WNT9B: variants seen among roughly 807,000 people sequenced by gnomAD.
WNT9B encodes the protein Wnt family member 9B, also known as protein Wnt-9b.
WNT9B carries 12 observed loss-of-function variants against 30.2 expected under a neutral mutation model. The observed-to-expected ratio is 0.40, with a 90% CI of 0.26 to 0.64. WNT9B has a LOEUF of 0.64. Ranked by LOEUF, WNT9B falls within the 30% of genes least tolerant of loss-of-function variation. WNT9B has a pLI of 0.42. For missense variants in WNT9B, 442 were observed against 485.2 expected (o/e 0.91, Z 0.84); for synonymous variants, 218 against 216.9 (o/e 1.01, Z -0.05).
rs1277935383 is a variant in WNT9B, at chr17:46,840,011, CTTTCT to C, written c.95+6574_95+6578del. The stretch of plus-strand genomic sequence containing the variant: ...TTTCTTTTTTCTTTCTTCTTTCTTT[CTTTCT>C]TTCTTTCTTTCTTTCTTTTCTTTCT... On this transcript the variant is annotated intron_variant, in intron 1 of 2. Transcript: ENST00000575372. Among the ~76,000 whole-genome samples, 54 of 82,924 alleles carry C rather than the reference CTTTCT, an allele frequency of 6.5e-4. No individual in the cohort carries two copies. In the East Asian group the frequency reaches 0.012, roughly 18 times the overall value. The allele number at this position is 82,924 out of a possible 152,430, so 54.4% of individuals were successfully genotyped here.
chr17:46,883,195 G>T (rs1304940453), downstream of WNT9B, among the ~76,000 whole-genome samples: 1 of 151,772 alleles, frequency 6.6e-6, no homozygotes, highest in East Asian at 1.9e-4. Context: ...CGTTAGCCAG[G>T]ATGGTCTTGA....
chr17:46,845,205 C>G (rs545380220), intron 1 of WNT9B, among the ~76,000 whole-genome samples: 4 of 152,242 alleles, frequency 2.6e-5, no homozygotes, highest in Non-Finnish European at 5.9e-5. Flanking sequence ...GAATGCCTTT[C>G]TGTTGTAAAA....
intron 1 of WNT9B, among the ~76,000 whole-genome samples, chr17:46,837,199 C>G (rs1160780010): frequency 6.6e-6 from 1 of 152,126 alleles, no homozygotes. Context: ...CCGCGGCCCC[C>G]CAAAGTGCTG....
At chr17:46,836,697 C>T (rs961909916) in intron 1 of WNT9B, among the ~76,000 whole-genome samples, 11 of 152,276 alleles carry the variant, frequency 7.2e-5, no homozygotes, top group African/African-American at 2.2e-4. Context: ...AGTGACTGGC[C>T]TTCCTGGCAA....
At chr17:46,864,058 C>T (rs111564918) in intron 1 of WNT9B, among the ~76,000 whole-genome samples, 2,364 of 152,334 alleles carry the variant, frequency 0.016, 71 homozygotes, top group African/African-American at 0.054. Context: ...GGGGGTCACG[C>T]ACAAGGCATT....
At chr17:46,882,690 C>G (rs1209651379), downstream of WNT9B, among the ~76,000 whole-genome samples, 1 of 152,200 alleles carries the variant, frequency 6.6e-6, no homozygotes, top group Non-Finnish European at 1.5e-5. Flanking sequence ...TTCGCTCCAT[C>G]TCTCACCTGG....
chr17:46,853,474 C>T (rs1225845289), intron 1 of WNT9B, among the ~76,000 whole-genome samples: 3 of 146,698 alleles, frequency 2.0e-5, no homozygotes, highest in African/African-American at 7.6e-5. Flanking sequence ...TGGGTTCAAG[C>T]GATTCTCCTG....
downstream of WNT9B, among the ~76,000 whole-genome samples, chr17:46,882,725 C>A (rs912711438): frequency 4.6e-5 from 7 of 152,182 alleles, no homozygotes; most frequent in African/African-American, 1.7e-4. Context: ...ACCGATCATG[C>A]AGCAAACACG....
At chr17:46,839,734 T>C (rs560473196) in intron 1 of WNT9B, among the ~76,000 whole-genome samples, 4 of 152,102 alleles carry the variant, frequency 2.6e-5, no homozygotes, top group African/African-American at 9.6e-5. Context: ...CCTGTGTCCA[T>C]GTGTTCTGAT....
In WNT9B at chr17:46,872,751, C is replaced by G. The variant is rs1163128777; in HGVS notation, c.312C>G (p.Gly104=). Residue 104 remains glycine, a synonymous_variant, in exon 2 of 4, where the codon GGC becomes GGG. Coordinates refer to ENST00000290015, the MANE Select transcript of WNT9B (RefSeq NM_003396.3). Reference sequence around the variant, plus strand: ...AGCGCTGGAACTGTAGCCTGGAGGGCAGGATGGGCCTGCTCAAGAGAGGTG... The same window carrying G: ...AGCGCTGGAACTGTAGCCTGGAGGGGAGGATGGGCCTGCTCAAGAGAGGTG... ...RHERWNCSLE[G]RMGLLKRGFK... 6.2e-7 allele frequency: 1 copy of G among 1,605,292 alleles called. No homozygotes were observed. Among genetic ancestry groups the G allele is most frequent in the East Asian group, 2.2e-5 (1 of 44,462 alleles).
Position 46,851,646 on chromosome 17 carries a change from C to T in WNT9B, c.8C>T (p.Pro3Leu). 7.8e-7 allele frequency: 1 copy of T among 1,280,996 alleles called. No homozygotes were observed. The highest frequency in any genetic ancestry group is 9.8e-7 in the Non-Finnish European group (1 of 1,018,674). 79.4% of individuals were successfully genotyped at this position (1,280,996 alleles called of 1,614,324 possible). A position where few individuals can be genotyped will look rare whatever the true frequency, so the allele number is the denominator to read the frequency against. ...CGCAGCGCCGCCAGCACCATGCGCC[C>T]CCCGCCCGCGCTGGCCCTGGCCGGG... Reference protein sequence around the residue: MRPPPALALAGLC... With the variant: MRLPPALALAGLC... The change falls in exon 1 of 4, where the codon CCC (proline) becomes CTC (leucine). Residue 3 changes from proline (P) to leucine (L), a missense_variant. Transcript: ENST00000290015. This position sits in a 1 kb window ranked among gnomAD's most constrained non-coding sequence, Gnocchi z 4.3.
intron 1 of WNT9B, among the ~76,000 whole-genome samples, chr17:46,841,343 C>T (rs1598827799): frequency 6.6e-6 from 1 of 152,158 alleles, no homozygotes; most frequent in East Asian, 1.9e-4. Flanking sequence ...TCCTGGCGGT[C>T]CTGGATCAGA....
chr17:46,870,447 ACCCATTTG>A (rs976342691), intron 1 of WNT9B, among the ~76,000 whole-genome samples: 1 of 152,064 alleles, frequency 6.6e-6, no homozygotes, highest in Non-Finnish European at 1.5e-5. Context: ...CTGGAAAATT[ACCCATTTG>A]CCCCCAGATT....
At chr17:46,839,953 T>TTTCTTTCTTTCTTTCTTTCTC in intron 1 of WNT9B, among the ~76,000 whole-genome samples, 1 of 149,474 alleles carries the variant, frequency 6.7e-6, no homozygotes, top group African/African-American at 2.5e-5. Context: ...TCTTTCTTTC[T>TTTCTTTCTTTCTTTCTTTCTC]TTCTTTCTTT....
chr17:46,873,274 T>C (rs1481611748), intron 2 of WNT9B, among the ~76,000 whole-genome samples: 1 of 151,990 alleles, frequency 6.6e-6, no homozygotes, highest in Non-Finnish European at 1.5e-5. Context: ...CTCCTTCCCT[T>C]CCACTCCCAT....
At chr17:46,838,120 G>T (rs2146516872) in intron 1 of WNT9B, among the ~76,000 whole-genome samples, 1 of 152,230 alleles carries the variant, frequency 6.6e-6, no homozygotes, top group African/African-American at 2.4e-5. Context: ...AGTCATGGGA[G>T]GGGCAACAGA....
intron 1 of WNT9B, among the ~76,000 whole-genome samples, chr17:46,837,130 A>C (rs2146515053): frequency 6.6e-6 from 1 of 152,100 alleles, no homozygotes; most frequent in Non-Finnish European, 1.5e-5. Context: ...TTTAGTAGAG[A>C]TGGGGTTTCA....
intron 1 of WNT9B, among the ~76,000 whole-genome samples, chr17:46,834,357 G>T (rs1260468513): frequency 2.0e-5 from 3 of 152,128 alleles, no homozygotes; most frequent in Non-Finnish European, 2.9e-5. Context: ...GAGGCCTTCT[G>T]GGTTCTGCCT....
At chr17:46,869,382 C>A (rs1382399251) in intron 1 of WNT9B, among the ~76,000 whole-genome samples, 1 of 152,174 alleles carries the variant, frequency 6.6e-6, no homozygotes, top group Non-Finnish European at 1.5e-5. Context: ...ACCCATTGCT[C>A]CCTCCAGGGT....
Sources: allele counts gnomAD v4.1 joint callset (sites outside exome capture counted in the v4.1 genomes callset), GRCh38; gene constraint gnomAD v4.1.1; non-coding constraint Gnocchi (gnomAD v3.1); transcripts MANE v1.5; gene names NCBI Gene and HGNC (gene_info 2026-07-23, HGNC 2026-07-21).